Variants in DPP6 observed in about 807,000 individuals in gnomAD.
DPP6 encodes the protein dipeptidyl peptidase like 6.
A neutral mutation model predicts 122.6 loss-of-function variants in DPP6; 69 were observed. The ratio of observed to expected loss-of-function variants is 0.56; its 90% CI spans 0.46 to 0.69. The LOEUF is 0.69. Among genes scored for constraint, DPP6 ranks in the 30% least tolerant of loss-of-function variants. The pLI is 0.00. For missense variants in DPP6, 928 were observed against 1,116.9 expected (o/e 0.83, Z 2.41); for synonymous variants, 418 against 433.1 (o/e 0.97, Z 0.43).
At chr7:154,472,845 T>TCCA (rs1298488258) in intron 2 of DPP6, among the ~76,000 whole-genome samples, 1 of 152,138 alleles carries the variant, frequency 6.6e-6, no homozygotes, top group African/African-American at 2.4e-5. Context: ...TCATAATGCC[T>TCCA]CCACCACATA....
chr7:154,264,319 T>C (rs1803232751), intron 1 of DPP6, among the ~76,000 whole-genome samples: 1 of 152,188 alleles, frequency 6.6e-6, no homozygotes, highest in South Asian at 2.1e-4. Context: ...TATTTCATGG[T>C]AGGACAGAGA....
At chr7:154,480,838 C>T (rs1215679715) in intron 3 of DPP6, among the ~76,000 whole-genome samples, 1 of 152,174 alleles carries the variant, frequency 6.6e-6, no homozygotes, top group East Asian at 1.9e-4. Flanking sequence ...CTATCCACAA[C>T]CTTTCTGATG....
At chr7:154,477,143 C>T (rs1236394793) in intron 3 of DPP6, among the ~76,000 whole-genome samples, 4 of 152,086 alleles carry the variant, frequency 2.6e-5, no homozygotes, top group Non-Finnish European at 5.9e-5. Context: ...TTAATCATTG[C>T]AGAGTTACTT....
chr7:154,576,254 G>A (rs1175485660), intron 5 of DPP6, among the ~76,000 whole-genome samples: 1 of 152,044 alleles, frequency 6.6e-6, no homozygotes, highest in Non-Finnish European at 1.5e-5. Flanking sequence ...CTCCGTCTGC[G>A]TCCACCGCTG....
intron 16 of DPP6, among the ~76,000 whole-genome samples, chr7:154,807,374 ATC>A (rs1376793356): frequency 6.6e-6 from 1 of 152,132 alleles, no homozygotes; most frequent in East Asian, 1.9e-4. Flanking sequence ...TGTGCCAGTA[ATC>A]TCTCAGTTTG....
intron 1 of DPP6, among the ~76,000 whole-genome samples, chr7:153,947,250 G>A (rs367732292): frequency 2.6e-5 from 4 of 152,038 alleles, no homozygotes; most frequent in East Asian, 3.9e-4. Flanking sequence ...ACCTAGACCT[G>A]GCAATTTTAA....
intron 1 of DPP6, among the ~76,000 whole-genome samples, chr7:154,404,480 T>C (rs924575547): frequency 6.6e-6 from 1 of 152,192 alleles, no homozygotes; most frequent in African/African-American, 2.4e-5. Context: ...ATTACCATCT[T>C]TGAGCTACGG....
In DPP6 at chr7:154,833,115, C is replaced by T. The variant is rs1368779524; in HGVS notation, c.1667-20665C>T. Among the ~76,000 whole-genome samples, 4 of 152,300 alleles carry T rather than the reference C, an allele frequency of 2.6e-5. No individual in the cohort carries two copies. The highest frequency in any genetic ancestry group is 7.2e-5 in the African/African-American group (3 of 41,580). On this transcript the variant is annotated intron_variant, in intron 16 of 25. Coordinates refer to ENST00000377770, the MANE Select transcript of DPP6 (RefSeq NM_130797.4). This position sits in a 1 kb window ranked among gnomAD's most constrained non-coding sequence, Gnocchi z 4.3. The stretch of plus-strand genomic sequence containing the variant: ...CCCAAGCTTGGGGAAGGGACTAGCA[C>T]GTGCTGAGACCTCTGCTAAGTGGAG...
At position 154,868,155 on chromosome 7, in the gene DPP6, G is replaced by A. The variant is rs543407538; in HGVS notation, c.1813+62G>A. On this transcript the variant is annotated intron_variant, in intron 18 of 25. Transcript: ENST00000377770. Reference sequence around the variant, plus strand: ...AAAAGAAAACGTGGGCTGTGACACAGTGCAGTCATCAGCAGCAGGTGCCCT... The same window carrying A: ...AAAAGAAAACGTGGGCTGTGACACAATGCAGTCATCAGCAGCAGGTGCCCT... The A allele has an allele frequency of 5.5e-5, 84 of 1,539,006 alleles. No individual in the cohort carries two copies. In the East Asian group the frequency reaches 2.0e-3, roughly 37 times the overall value.
chr7:154,346,793 A>G (rs1305375198), intron 1 of DPP6, among the ~76,000 whole-genome samples: 1 of 152,194 alleles, frequency 6.6e-6, no homozygotes, highest in Non-Finnish European at 1.5e-5. Flanking sequence ...CACTTATTTT[A>G]CTGCAAAATA....
At chr7:154,367,857 C>T (rs753166023) in intron 1 of DPP6, among the ~76,000 whole-genome samples, 3 of 152,124 alleles carry the variant, frequency 2.0e-5, no homozygotes, top group East Asian at 1.9e-4. Flanking sequence ...GTTGTCCAGG[C>T]GACAGTGGGC....
At chr7:154,202,291 T>G (rs1267486247) in intron 1 of DPP6, among the ~76,000 whole-genome samples, 4 of 152,066 alleles carry the variant, frequency 2.6e-5, no homozygotes, top group Non-Finnish European at 5.9e-5. Context: ...AAAGGATGTA[T>G]TGAAATAGAT....
At chr7:154,040,712 A>G (rs1278152743) in intron 1 of DPP6, among the ~76,000 whole-genome samples, 1 of 152,216 alleles carries the variant, frequency 6.6e-6, no homozygotes, top group Non-Finnish European at 1.5e-5. Context: ...TTTTTCCCAC[A>G]TATTCTGTGT....
At chr7:154,212,518 T>TG in intron 1 of DPP6, among the ~76,000 whole-genome samples, 1 of 152,174 alleles carries the variant, frequency 6.6e-6, no homozygotes, top group Non-Finnish European at 1.5e-5. Context: ...ATTCCAGTGC[T>TG]GGGGGTCCCT....
chr7:154,644,539 C>G (rs748392559), intron 6 of DPP6, among the ~76,000 whole-genome samples: 1 of 152,112 alleles, frequency 6.6e-6, no homozygotes, highest in Non-Finnish European at 1.5e-5. Flanking sequence ...GCCCTTTCTT[C>G]CTGTGTGTGA....
At chr7:153,963,037 A>G (rs1795437001) in intron 1 of DPP6, among the ~76,000 whole-genome samples, 1 of 152,182 alleles carries the variant, frequency 6.6e-6, no homozygotes, top group Admixed American at 6.5e-5. Context: ...TATTCTCTAA[A>G]GGGTTTGTAC....
At chr7:153,817,863 A>C in the DPP6 span, among the ~76,000 whole-genome samples, 2 of 151,778 alleles carry the variant, frequency 1.3e-5, no homozygotes, top group Non-Finnish European at 2.9e-5. Flanking sequence ...ACATGTATAC[A>C]TATGTAATAA....
chr7:154,529,110 C>T (rs1248507068), intron 3 of DPP6, among the ~76,000 whole-genome samples: 2 of 152,172 alleles, frequency 1.3e-5, no homozygotes, highest in Admixed American at 1.3e-4. Flanking sequence ...TAGGAGGCTG[C>T]TGGAGTAGTC....
chr7:153,775,755 A>C, the DPP6 span, among the ~76,000 whole-genome samples: 3 of 152,190 alleles, frequency 2.0e-5, no homozygotes, highest in African/African-American at 7.2e-5. Context: ...AGGTCAAAAC[A>C]CAAAAATTAA....
Sources: allele counts gnomAD v4.1 joint callset (sites outside exome capture counted in the v4.1 genomes callset), GRCh38; gene constraint gnomAD v4.1.1; non-coding constraint Gnocchi (gnomAD v3.1); transcripts MANE v1.5; gene names NCBI Gene and HGNC (gene_info 2026-07-23, HGNC 2026-07-21).